The following PRKCE variants were observed in gnomAD, a reference collection of about 807,000 sequenced individuals.
The protein encoded by PRKCE is protein kinase C epsilon type.
PRKCE carries 16 observed loss-of-function variants against 85.4 expected under a neutral mutation model. The observed-to-expected ratio is 0.19, with a 90% confidence interval of 0.13 to 0.28. The LOEUF is 0.28. Among genes scored for constraint, PRKCE ranks in the 10% least tolerant of loss-of-function variants. The probability of loss-of-function intolerance (pLI) is 1.00; values close to 1 mark genes in which losing one functional copy is unlikely to be tolerated. For missense variants in PRKCE, 573 were observed against 975.2 expected, an observed-to-expected ratio of 0.59 and a Z score of 5.49; for synonymous variants, 388 against 371.5, an observed-to-expected ratio of 1.04 and a Z score of -0.51.
Position 45,980,296 on chromosome 2 carries a change from T to C in PRKCE, c.608T>C (p.Val203Ala). The C allele has an allele frequency of 6.3e-7, 1 of 1,599,686 alleles. No individual in the cohort carries two copies. Among genetic ancestry groups the C allele is most frequent in the Non-Finnish European group, 8.5e-7 (1 of 1,179,926 alleles). Residue 203 changes from valine to alanine, a missense_variant and splice_region_variant, in exon 5 of 15, where the codon GTC becomes GCC. By Grantham distance (64) the Val-to-Ala change is moderately conservative. Transcript: ENST00000306156. ...VIGKQGYQCQ[V>A]CTCVVHKRCH... The stretch of plus-strand genomic sequence containing the variant: ...GCCTTCCTGTCTTTGCTATTTGCAG[T>C]CTGCACCTGCGTGGTCCACAAGCGG...
At chr2:45,751,990 T>G (rs1683611420) in intron 1 of PRKCE, among the ~76,000 whole-genome samples, 1 of 149,132 alleles carries the variant, frequency 6.7e-6, no homozygotes, top group Non-Finnish European at 1.5e-5. Context: ...GCTAATTTTT[T>G]GTATTTTTAG....
In PRKCE at chr2:46,117,155, G is replaced by A. The variant is rs143970722; in HGVS notation, c.1593-27938G>A. On this transcript the variant is annotated intron_variant, in intron 11 of 14. Coordinates refer to ENST00000306156, the MANE Select transcript of PRKCE (RefSeq NM_005400.3). ...GGGCACCAGAGGGGTGGGAGTTTCT[G>A]TCCTTTGCCATAAGGAAATAGACTG... Among the ~76,000 whole-genome samples, 305 of 152,330 alleles carry A rather than the reference G, an allele frequency of 2.0e-3. 1 individual carries two copies. The highest frequency in any genetic ancestry group is 4.2e-3 in the Admixed American group (64 of 15,306).
chr2:45,972,373 T>C (rs191911181), intron 2 of PRKCE, among the ~76,000 whole-genome samples: 89 of 152,366 alleles, frequency 5.8e-4, no homozygotes, highest in Middle Eastern at 3.4e-3. Flanking sequence ...TAACCCTTTC[T>C]CAAATATACA....
At position 46,045,788 on chromosome 2, in the gene PRKCE, A is replaced by T. The variant is rs559212612; in HGVS notation, c.1437+35271A>T. 7.9e-5 allele frequency among the ~76,000 whole-genome samples: 12 copies of T among 152,344 alleles called. 1 individual carries two copies. The highest frequency in any genetic ancestry group is 2.9e-4 in the African/African-American group (12 of 41,584). On this transcript the variant is annotated intron_variant, in intron 10 of 14. Coordinates refer to ENST00000306156, the MANE Select transcript of PRKCE (RefSeq NM_005400.3). ...CAGCTGCTTGGGAGGCTGAGGCACA[A>T]GAATCATTTCAGCCTGGGAGGCAGT...
intron 2 of PRKCE, among the ~76,000 whole-genome samples, chr2:45,925,570 A>G (rs1316081415): frequency 6.6e-6 from 1 of 152,160 alleles, no homozygotes; most frequent in African/African-American, 2.4e-5. Context: ...TGCTAGGATT[A>G]CAGGCGTGAA....
In PRKCE at chr2:46,123,214, C is replaced by CTTTTTTT. The variant is rs70937991; in HGVS notation, c.1593-21856_1593-21850dup. On this transcript the variant is annotated intron_variant, in intron 11 of 14. Coordinates refer to ENST00000306156, the MANE Select transcript of PRKCE (RefSeq NM_005400.3). ...AAGCTTTACAAAGGAAAACACTTGC[C>CTTTTTTT]TTTTTTTTTTTTTTTTTTTTTTTTT... Among the ~76,000 whole-genome samples the CTTTTTTT allele has an allele frequency of 3.5e-3, 95 of 27,364 alleles. 29 individuals carry two copies. Among genetic ancestry groups the CTTTTTTT allele is most frequent in the African/African-American group, 9.5e-3 (75 of 7,908 alleles). 18.0% of individuals were successfully genotyped at this position (27,364 alleles called of 152,430 possible).
At chr2:45,744,888 C>T (rs1430952492) in intron 1 of PRKCE, among the ~76,000 whole-genome samples, 1 of 152,198 alleles carries the variant, frequency 6.6e-6, no homozygotes, top group Non-Finnish European at 1.5e-5. Context: ...GGATTATAGG[C>T]GTGAGCCACC....
At chr2:46,085,195 T>G (rs111674761) in intron 10 of PRKCE, among the ~76,000 whole-genome samples, 48 of 152,162 alleles carry the variant, frequency 3.2e-4, no homozygotes, top group African/African-American at 1.1e-3. Context: ...GGATTGCAGG[T>G]AAGAGGGGGC....
intron 2 of PRKCE, among the ~76,000 whole-genome samples, chr2:45,882,612 T>A (rs1427011482): frequency 1.3e-5 from 2 of 152,238 alleles, no homozygotes; most frequent in Non-Finnish European, 2.9e-5. Context: ...TTTATGGTGA[T>A]ATTTGAGTGT....
intron 1 of PRKCE, among the ~76,000 whole-genome samples, chr2:45,757,690 T>G (rs1684124366): frequency 6.6e-6 from 1 of 151,840 alleles, no homozygotes; most frequent in South Asian, 2.1e-4. Context: ...AAATAATAAA[T>G]AAAAGTGATA....
At chr2:45,738,718 C>T (rs1329951889) in intron 1 of PRKCE, among the ~76,000 whole-genome samples, 1 of 152,160 alleles carries the variant, frequency 6.6e-6, no homozygotes, top group Non-Finnish European at 1.5e-5. Flanking sequence ...GTTTGATTGT[C>T]ATATATGGCC....
chr2:45,768,042 G>A (rs3924521), intron 1 of PRKCE, among the ~76,000 whole-genome samples: 113,120 of 152,148 alleles, frequency 0.74, 47,156 homozygotes, highest in East Asian at 0.96. Flanking sequence ...CCAGTGCCCT[G>A]GTGAGAAGCA....
chr2:45,732,931 C>T (rs78031184), intron 1 of PRKCE, among the ~76,000 whole-genome samples: 1,634 of 152,246 alleles, frequency 0.011, 25 homozygotes, highest in African/African-American at 0.038. Context: ...GATCAAGGGT[C>T]GACGACTTTC....
intron 1 of PRKCE, among the ~76,000 whole-genome samples, chr2:45,658,961 G>T (rs1193340846): frequency 6.6e-6 from 1 of 152,212 alleles, no homozygotes; most frequent in African/African-American, 2.4e-5. Context: ...TATTGAAGAG[G>T]TATGGGTAAT....
intron 10 of PRKCE, among the ~76,000 whole-genome samples, chr2:46,072,201 T>C: frequency 6.6e-6 from 1 of 152,232 alleles, no homozygotes; most frequent in East Asian, 1.9e-4. Context: ...GGTATGGAAA[T>C]CCTCTTCAGC....
At chr2:45,840,650 C>T (rs558934185) in intron 1 of PRKCE, 1 of 152,294 alleles carries the variant, frequency 6.6e-6, no homozygotes, top group African/African-American at 2.4e-5. Flanking sequence ...TCACCAGGGG[C>T]CTCTCCCACG....
intron 2 of PRKCE, among the ~76,000 whole-genome samples, chr2:45,956,341 A>G (rs530838266): frequency 6.6e-6 from 1 of 152,298 alleles, no homozygotes; most frequent in South Asian, 2.1e-4. Context: ...AATATCTGGA[A>G]GTAAGATTGC....
chr2:45,961,984 C>T (rs372080112), intron 2 of PRKCE, among the ~76,000 whole-genome samples: 3 of 152,302 alleles, frequency 2.0e-5, no homozygotes, highest in South Asian at 2.1e-4. Flanking sequence ...CGTGAACCAC[C>T]GCGCCCGGCT....
intron 12 of PRKCE, among the ~76,000 whole-genome samples, chr2:46,149,644 C>T (rs1249626524): frequency 2.0e-5 from 3 of 150,524 alleles, no homozygotes; most frequent in Non-Finnish European, 4.4e-5. Flanking sequence ...AAGCTCTATA[C>T]AGCTGAAAGG....
Sources: gnomAD v4.1 joint callset for allele counts (sites outside exome capture counted in the v4.1 genomes callset) on GRCh38, gnomAD v4.1.1 for gene constraint, MANE v1.5 for transcripts, NCBI Gene and HGNC (gene_info 2026-07-23, HGNC 2026-07-21) for gene names.